The following EYS variants were observed in gnomAD, a reference collection of about 807,000 sequenced individuals.
EYS encodes protein eyes shut homolog.
A neutral mutation model predicts 282.1 loss-of-function variants in EYS; 250 were observed. The observed-to-expected ratio is 0.89, with a 90% CI of 0.80 to 0.98. EYS has a LOEUF of 0.98. Ranked by LOEUF, EYS falls within the 50% of genes least tolerant of loss-of-function variation. The pLI is 0.00. For synonymous variants in EYS, 1,355 were observed against 1,282.9 expected (o/e 1.06, Z -1.20); for missense variants, 4,016 against 3,709.0 (o/e 1.08, Z -2.15).
chr6:63,727,674 C>A (rs1390241087), intron 41 of EYS, among the ~76,000 whole-genome samples: 5 of 112,824 alleles, frequency 4.4e-5, no homozygotes, highest in Admixed American at 1.2e-4. Flanking sequence ...AGTTTGAGAC[C>A]AGCCTGAGCA....
At chr6:65,211,773 G>A (rs537194769) in intron 12 of EYS, among the ~76,000 whole-genome samples, 28 of 151,902 alleles carry the variant, frequency 1.8e-4, no homozygotes, top group South Asian at 4.2e-4. Flanking sequence ...CCAAACTTAG[G>A]ATTATTATTT....
At chr6:63,940,003 G>A (rs79946731) in intron 35 of EYS, among the ~76,000 whole-genome samples, 4,324 of 152,288 alleles carry the variant, frequency 0.028, 93 homozygotes, top group Non-Finnish European at 0.043. Flanking sequence ...AGTGTTTTGG[G>A]TATCTACTTA....
chr6:63,999,272 T>A, intron 33 of EYS, 89 bp from the exon 34 acceptor site: 3 of 809,454 alleles, frequency 3.7e-6, no homozygotes, highest in Non-Finnish European at 4.2e-6. Flanking sequence ...ACTTCTTCAT[T>A]GAGAGAGGTA....
chr6:64,855,447 A>C (rs1766028620), intron 19 of EYS, among the ~76,000 whole-genome samples: 1 of 151,006 alleles, frequency 6.6e-6, no homozygotes, highest in Non-Finnish European at 1.5e-5. Context: ...TTCATCTCTG[A>C]TATTGTTATT....
intron 12 of EYS, among the ~76,000 whole-genome samples, chr6:65,175,245 A>G (rs1471730921): frequency 1.3e-5 from 2 of 151,398 alleles, no homozygotes; most frequent in Admixed American, 1.3e-4. Context: ...CTGAGTTTGA[A>G]GCATTGATAG....
At chr6:63,897,457 G>A (rs1455844039) in intron 35 of EYS, among the ~76,000 whole-genome samples, 4 of 152,160 alleles carry the variant, frequency 2.6e-5, no homozygotes, top group Non-Finnish European at 5.9e-5. Flanking sequence ...AGATAGCAAT[G>A]TGACCACAGA....
chr6:65,478,156 GAGA>G (rs887088009), intron 5 of EYS, among the ~76,000 whole-genome samples: 6 of 152,100 alleles, frequency 3.9e-5, no homozygotes, highest in East Asian at 1.9e-4. Flanking sequence ...AGAAGTGAAG[GAGA>G]AGAAGAGAGA....
chr6:64,300,265 C>T (rs1193376518), intron 30 of EYS, among the ~76,000 whole-genome samples: 1 of 152,032 alleles, frequency 6.6e-6, no homozygotes, highest in Non-Finnish European at 1.5e-5. Flanking sequence ...CACCCCAGGC[C>T]GACAGGGGCC....
At chr6:63,991,811 A>C (rs764896584) in intron 34 of EYS, among the ~76,000 whole-genome samples, 1 of 151,818 alleles carries the variant, frequency 6.6e-6, no homozygotes, top group African/African-American at 2.4e-5. Context: ...TACTATAGCC[A>C]AAACCAGAGA....
intron 8 of EYS, among the ~76,000 whole-genome samples, chr6:65,357,609 A>G (rs564544440): frequency 6.6e-6 from 1 of 152,148 alleles, no homozygotes; most frequent in African/African-American, 2.4e-5. Flanking sequence ...AACAATTGTT[A>G]TATGGTGGAT....
At chr6:65,021,914 C>A (rs1257318439) in intron 13 of EYS, among the ~76,000 whole-genome samples, 13 of 152,104 alleles carry the variant, frequency 8.5e-5, no homozygotes, top group Non-Finnish European at 1.5e-5. Context: ...AATCATCACA[C>A]CTTGTGAGAA....
chr6:64,602,498 G>A (rs1041904870), intron 24 of EYS, among the ~76,000 whole-genome samples: 2 of 152,030 alleles, frequency 1.3e-5, no homozygotes, highest in African/African-American at 4.8e-5. Flanking sequence ...TGAACAGTCT[G>A]TCTTGAAACC....
rs1159159521 is a variant in EYS, at chr6:64,591,460, A to G, written c.4407T>C (p.Ile1469=). 1 of 1,551,366 alleles carries G rather than the reference A, an allele frequency of 6.4e-7. No individual in the cohort carries two copies. Among genetic ancestry groups the G allele is most frequent in the African/African-American group, 1.4e-5 (1 of 73,118 alleles). Residue 1469 remains isoleucine (I), a synonymous_variant, in exon 26 of 43, where the codon ATT becomes ATC. Coordinates refer to ENST00000503581, the MANE Select transcript of EYS (RefSeq NM_001142800.2). ...TTAAAGAATCAGCTGAATATTCTTC[A>G]ATATCCTCTTGAGCCCCCCTAGAGA... ...PVVSRGAQED[I]EEYSADSLIS...
chr6:65,608,885 G>A (rs958049089), intron 2 of EYS, among the ~76,000 whole-genome samples: 2 of 151,982 alleles, frequency 1.3e-5, no homozygotes, highest in Non-Finnish European at 2.9e-5. Context: ...TTGTCCCACA[G>A]AAAGGTCTTC....
At chr6:64,707,663 CAAAAAA>C (rs59172308) in intron 22 of EYS, among the ~76,000 whole-genome samples, 6 of 100,974 alleles carry the variant, frequency 5.9e-5, no homozygotes, top group Admixed American at 2.0e-4. Flanking sequence ...AGACTCGTAT[CAAAAAA>C]AAAAAAAAAA....
chr6:65,590,420 G>T (rs1765191151), intron 2 of EYS, among the ~76,000 whole-genome samples: 1 of 152,006 alleles, frequency 6.6e-6, no homozygotes, highest in East Asian at 1.9e-4. Flanking sequence ...TATAAAATAT[G>T]TAATTATTAG....
intron 2 of EYS, among the ~76,000 whole-genome samples, chr6:65,637,343 A>G (rs888151138): frequency 6.6e-6 from 1 of 152,222 alleles, no homozygotes; most frequent in African/African-American, 2.4e-5. Flanking sequence ...AATAATTGGC[A>G]TTGGTCACAT....
chr6:63,852,779 C>G (rs995312565), intron 36 of EYS, among the ~76,000 whole-genome samples: 2 of 152,190 alleles, frequency 1.3e-5, no homozygotes, highest in African/African-American at 2.4e-5. Flanking sequence ...AAAAGCTTAT[C>G]TACCACGATC....
At chr6:65,534,259 C>T (rs988403595) in intron 2 of EYS, among the ~76,000 whole-genome samples, 1 of 152,088 alleles carries the variant, frequency 6.6e-6, no homozygotes, top group African/African-American at 2.4e-5. Context: ...AAAGGTTCTG[C>T]ACATCTGCTC....
Sources: allele counts gnomAD v4.1 joint callset (sites outside exome capture counted in the v4.1 genomes callset), GRCh38; gene constraint gnomAD v4.1.1; transcripts MANE v1.5; gene names NCBI Gene and HGNC (gene_info 2026-07-23, HGNC 2026-07-21).